The following ABTB3 variants were observed in gnomAD, a reference collection of about 807,000 sequenced individuals.
ABTB3 encodes the protein ankyrin repeat- and BTB/POZ domain-containing protein 3.
chr12:107,643,944 T>A, the ABTB3 span, among the ~76,000 whole-genome samples: 1 of 151,988 alleles, frequency 6.6e-6, no homozygotes, highest in East Asian at 1.9e-4. Flanking sequence ...TTGTACTTTT[T>A]ATAGAGATTG....
At chr12:107,319,372 C>G in the ABTB3 span, 1 of 1,575,622 alleles carries the variant, frequency 6.3e-7, no homozygotes, top group Non-Finnish European at 8.6e-7. Flanking sequence ...TGCGCATAGC[C>G]AAAGAGGCGC....
At chr12:107,430,465 T>A in the ABTB3 span, among the ~76,000 whole-genome samples, 1 of 152,218 alleles carries the variant, frequency 6.6e-6, no homozygotes, top group African/African-American at 2.4e-5. Flanking sequence ...TAATAATCAG[T>A]GTTTAAGAAT....
At chr12:107,330,542 G>C in the ABTB3 span, among the ~76,000 whole-genome samples, 4 of 152,344 alleles carry the variant, frequency 2.6e-5, 1 homozygote, top group Admixed American at 2.6e-4. Context: ...TTCCAAGGGA[G>C]TATCTGGTTT....
At chr12:107,645,671 G>A in the ABTB3 span, among the ~76,000 whole-genome samples, 1 of 152,198 alleles carries the variant, frequency 6.6e-6, no homozygotes, top group African/African-American at 2.4e-5. Context: ...GTGAAGCCTG[G>A]GACTAACTGG....
the ABTB3 span, among the ~76,000 whole-genome samples, chr12:107,595,427 C>T: frequency 0.98 from 149,270 of 152,326 alleles, 73,150 homozygotes; most frequent in East Asian, 1. Context: ...GCAGGCCTTG[C>T]TGGCTGCAAT....
the ABTB3 span, among the ~76,000 whole-genome samples, chr12:107,655,292 T>C: frequency 9.3e-5 from 14 of 150,878 alleles, no homozygotes; most frequent in African/African-American, 2.5e-4. Flanking sequence ...CAAACACCCC[T>C]TTGCAGACAG....
the ABTB3 span, among the ~76,000 whole-genome samples, chr12:107,555,851 C>CATTTG: frequency 9.2e-5 from 14 of 152,254 alleles, no homozygotes; most frequent in African/African-American, 3.4e-4. Context: ...TCCAGAAAAA[C>CATTTG]AGACTGAAAA....
the ABTB3 span, among the ~76,000 whole-genome samples, chr12:107,481,669 T>C: frequency 3.3e-5 from 5 of 152,272 alleles, 1 homozygote; most frequent in South Asian, 1.0e-3. Flanking sequence ...TCCAACTAGA[T>C]TGAGCCAACT....
At chr12:107,373,760 C>T in the ABTB3 span, among the ~76,000 whole-genome samples, 2 of 152,362 alleles carry the variant, frequency 1.3e-5, no homozygotes, top group East Asian at 3.9e-4. Flanking sequence ...GGTGTCTGGG[C>T]TGTGGGACCC....
the ABTB3 span, among the ~76,000 whole-genome samples, chr12:107,653,851 T>C: frequency 6.6e-6 from 1 of 152,220 alleles, no homozygotes; most frequent in African/African-American, 2.4e-5. Flanking sequence ...ATTAAGTACA[T>C]TTGATTGTTG....
At chr12:107,489,899 G>A in the ABTB3 span, among the ~76,000 whole-genome samples, 1 of 151,812 alleles carries the variant, frequency 6.6e-6, no homozygotes, top group African/African-American at 2.4e-5. Context: ...TGGGATTACA[G>A]GCATGAGCCA....
the ABTB3 span, among the ~76,000 whole-genome samples, chr12:107,510,765 T>C: frequency 1.3e-5 from 2 of 151,756 alleles, no homozygotes; most frequent in African/African-American, 4.8e-5. Context: ...TACAAAAAAA[T>C]ACAAAAATTA....
At chr12:107,442,876 A>G in the ABTB3 span, among the ~76,000 whole-genome samples, 1 of 152,144 alleles carries the variant, frequency 6.6e-6, no homozygotes, top group Admixed American at 6.5e-5. Flanking sequence ...GGTGGCTTAG[A>G]AACAATGTTT....
chr12:107,569,905 G>C, the ABTB3 span, among the ~76,000 whole-genome samples: 1 of 152,194 alleles, frequency 6.6e-6, no homozygotes, highest in African/African-American at 2.4e-5. Context: ...CCACCGCATG[G>C]TCCAATTTGG....
At chr12:107,324,624 A>T in the ABTB3 span, among the ~76,000 whole-genome samples, 1 of 152,176 alleles carries the variant, frequency 6.6e-6, no homozygotes, top group Non-Finnish European at 1.5e-5. Context: ...TCAGAGGTAT[A>T]TGCATTTGTC....
chr12:107,493,775 T>A, the ABTB3 span, among the ~76,000 whole-genome samples: 2,976 of 152,132 alleles, frequency 0.02, 117 homozygotes, highest in African/African-American at 0.067. Context: ...AAGAACACCA[T>A]GAACATGAAG....
chr12:107,404,838 T>A, the ABTB3 span, among the ~76,000 whole-genome samples: 1 of 152,206 alleles, frequency 6.6e-6, no homozygotes, highest in Non-Finnish European at 1.5e-5. Flanking sequence ...GTAGCTACTG[T>A]GTCCCAAATG....
chr12:107,520,760 T>C, the ABTB3 span: 1 of 1,212,874 alleles, frequency 8.2e-7, no homozygotes. Flanking sequence ...GGTGACACCT[T>C]TTATTGACTG....
At chr12:107,499,340 G>C in the ABTB3 span, among the ~76,000 whole-genome samples, 4 of 150,256 alleles carry the variant, frequency 2.7e-5, no homozygotes, top group East Asian at 3.9e-4. Flanking sequence ...TACACACACA[G>C]AGAGACACAC....
Sources: allele counts gnomAD v4.1 joint callset (sites outside exome capture counted in the v4.1 genomes callset), GRCh38; gene constraint gnomAD v4.1.1; transcripts MANE v1.5; gene names NCBI Gene and HGNC (gene_info 2026-07-23, HGNC 2026-07-21).